Variants in DOCK3 observed in about 807,000 individuals in gnomAD.
The protein encoded by DOCK3 is dedicator of cytokinesis 3.
DOCK3 carries 60 observed loss-of-function variants against 265.6 expected under a neutral mutation model. The observed-to-expected ratio is 0.23, with a 90% CI of 0.18 to 0.28. The LOEUF is 0.28. Among genes scored for constraint, DOCK3 ranks in the 10% least tolerant of loss-of-function variants. The pLI, the probability that DOCK3 is intolerant of heterozygous loss-of-function variation, is 1.00. For missense variants in DOCK3, 1,981 were observed against 2,594.3 expected (o/e 0.76, Z 5.14); for synonymous variants, 881 against 938.0 (o/e 0.94, Z 1.11).
In DOCK3 at chr3:51,227,978, A is replaced by G; in HGVS notation, c.1541-4A>G. The G allele has an allele frequency of 6.2e-7, 1 of 1,613,968 alleles. No homozygotes were observed. ...AAACAACTAATACTTGGCTCTGATT[A>G]CAGCAAAGGACAAAGGGGAAAAGAA... is the stretch of plus-strand genomic sequence containing the variant. On this transcript the variant is annotated splice_region_variant and splice_polypyrimidine_tract_variant and intron_variant, in intron 16 of 52. Transcript: ENST00000266037.
intron 4 of DOCK3, among the ~76,000 whole-genome samples, chr3:50,905,519 A>T (rs1238619445): frequency 6.6e-6 from 1 of 151,810 alleles, no homozygotes; most frequent in African/African-American, 2.4e-5. Context: ...ATTCTCTTTG[A>T]AGCAATTGTG....
At chr3:51,003,632 A>C (rs568435394) in intron 5 of DOCK3, among the ~76,000 whole-genome samples, 2 of 152,304 alleles carry the variant, frequency 1.3e-5, no homozygotes, top group African/African-American at 2.4e-5. Flanking sequence ...CCCATTTTCT[A>C]TGCCAACTTT....
At chr3:51,266,341 A>G (rs2080164684) in intron 23 of DOCK3, among the ~76,000 whole-genome samples, 1 of 152,236 alleles carries the variant, frequency 6.6e-6, no homozygotes. Context: ...TAAAGTTCAT[A>G]TGGAACCAAA....
At chr3:51,332,418 C>G (rs989217315) in intron 33 of DOCK3, among the ~76,000 whole-genome samples, 2 of 152,230 alleles carry the variant, frequency 1.3e-5, no homozygotes, top group African/African-American at 4.8e-5. Flanking sequence ...GCTCCTGGCT[C>G]TGGCACATTT....
At chr3:51,375,888 TGAC>T in intron 51 of DOCK3, 53 bp downstream of exon 51, 1 of 1,592,356 alleles carries the variant, frequency 6.3e-7, no homozygotes, top group South Asian at 1.1e-5. Flanking sequence ...CCTGAGTGTC[TGAC>T]TCTTGTCCCT....
intron 3 of DOCK3, among the ~76,000 whole-genome samples, chr3:50,869,868 C>T (rs1319588998): frequency 6.6e-6 from 1 of 152,150 alleles, no homozygotes; most frequent in Non-Finnish European, 1.5e-5. Flanking sequence ...TTAAAAATTA[C>T]TTCACTGATC....
chr3:50,866,498 C>T (rs114938769), intron 3 of DOCK3, among the ~76,000 whole-genome samples: 4,877 of 145,876 alleles, frequency 0.033, 109 homozygotes, highest in South Asian at 0.086. Flanking sequence ...TTTTTTGAGA[C>T]AAAGCTTTGA....
At chr3:50,683,559 C>T (rs1338870184) in intron 1 of DOCK3, among the ~76,000 whole-genome samples, 2 of 152,128 alleles carry the variant, frequency 1.3e-5, no homozygotes, top group African/African-American at 4.8e-5. Context: ...TAGTGCCAGC[C>T]GTACCACCTT....
At chr3:50,756,399 G>C (rs1454472899) in intron 1 of DOCK3, among the ~76,000 whole-genome samples, 1 of 151,976 alleles carries the variant, frequency 6.6e-6, no homozygotes, top group African/African-American at 2.4e-5. Flanking sequence ...GGGGAGCGGG[G>C]GCATGTAGGG....
At chr3:50,706,471 G>A (rs2036420784) in intron 1 of DOCK3, among the ~76,000 whole-genome samples, 1 of 152,184 alleles carries the variant, frequency 6.6e-6, no homozygotes, top group South Asian at 2.1e-4. Flanking sequence ...TCAGTCTGAT[G>A]AAGTTTCCCT....
intron 33 of DOCK3, among the ~76,000 whole-genome samples, chr3:51,330,939 T>C (rs1009679560): frequency 6.6e-6 from 1 of 152,266 alleles, no homozygotes; most frequent in African/African-American, 2.4e-5. Flanking sequence ...TTCTTTGTTT[T>C]AGTACCATTT....
chr3:51,306,949 AT>A (rs1417801762), intron 27 of DOCK3, among the ~76,000 whole-genome samples: 1 of 152,024 alleles, frequency 6.6e-6, no homozygotes, highest in Non-Finnish European at 1.5e-5. Context: ...ATACTTTCCT[AT>A]TTTTTTATAT....
intron 39 of DOCK3, among the ~76,000 whole-genome samples, 154 bp from the exon 40 acceptor site, chr3:51,350,134 G>A (rs2085877957): frequency 1.3e-5 from 2 of 152,232 alleles, no homozygotes; most frequent in Non-Finnish European, 2.9e-5. Context: ...ACTCCCTGGA[G>A]AGAGGCTGGT....
At chr3:50,859,187 A>G (rs2046775092) in intron 3 of DOCK3, among the ~76,000 whole-genome samples, 1 of 141,844 alleles carries the variant, frequency 7.1e-6, no homozygotes, top group Non-Finnish European at 1.5e-5. Context: ...CTGGTCAAGA[A>G]CTCTTGTTGG....
At chr3:50,878,266 A>T (rs1373006684) in intron 3 of DOCK3, among the ~76,000 whole-genome samples, 1 of 152,210 alleles carries the variant, frequency 6.6e-6, no homozygotes. Context: ...ACAAAGCTGG[A>T]AGGAGAATGA....
intron 1 of DOCK3, among the ~76,000 whole-genome samples, chr3:50,753,850 C>T (rs939521694): frequency 6.6e-6 from 1 of 151,974 alleles, no homozygotes; most frequent in Non-Finnish European, 1.5e-5. Context: ...CAGAAATTTC[C>T]TTTGAAGTTG....
intron 3 of DOCK3, 105 bp from the exon 4 acceptor site, chr3:50,889,921 A>G: frequency 1.2e-6 from 1 of 856,178 alleles, no homozygotes; most frequent in African/African-American, 1.8e-5. Context: ...CTGTAGCAGG[A>G]GATCTACTAT....
chr3:50,748,646 T>TA (rs566008915), intron 1 of DOCK3, among the ~76,000 whole-genome samples: 31 of 152,370 alleles, frequency 2.0e-4, no homozygotes, highest in Admixed American at 2.0e-3. Context: ...TTGGTACTTT[T>TA]AGGCTTTCCA....
chr3:51,075,923 T>C (rs1347815856), intron 7 of DOCK3, among the ~76,000 whole-genome samples: 1 of 152,136 alleles, frequency 6.6e-6, no homozygotes, highest in Non-Finnish European at 1.5e-5. Context: ...ATAGTCTAGA[T>C]GCAAAGTAAA....
Sources: allele counts gnomAD v4.1 joint callset (sites outside exome capture counted in the v4.1 genomes callset), GRCh38; gene constraint gnomAD v4.1.1; transcripts MANE v1.5; gene names NCBI Gene and HGNC (gene_info 2026-07-23, HGNC 2026-07-21).